The following ABLIM3 variants were observed in gnomAD, a reference collection of about 807,000 sequenced individuals.
ABLIM3 encodes actin-binding LIM protein 3.
ABLIM3 carries 61 observed loss-of-function variants against 109.5 expected under a neutral mutation model. That is an observed-to-expected ratio of 0.56 (90% CI 0.45 to 0.69). The LOEUF is 0.69. ABLIM3 is among the 30% of genes least tolerant of loss of function. The pLI is 0.00. For missense variants in ABLIM3, 796 were observed against 889.5 expected (o/e 0.89, Z 1.34); for synonymous variants, 300 against 324.8 (o/e 0.92, Z 0.82).
chr5:149,225,561 T>A (rs1051177694), intron 8 of ABLIM3, among the ~76,000 whole-genome samples: 3 of 152,228 alleles, frequency 2.0e-5, no homozygotes, highest in South Asian at 2.1e-4. Flanking sequence ...GAAGATTTTT[T>A]AAAAAAATTT....
chr5:149,199,221 C>T lies in ABLIM3; in HGVS notation c.335+819C>T, dbSNP rs1758273876. ...CACAAATACATTAAATGTTAATGGA[C>T]AGCTCTGATTACATCATAAGTAAAG... On this transcript the variant is annotated intron_variant, in intron 4 of 23. Transcript: ENST00000309868. 4 of 436,512 alleles carry T rather than the reference C, an allele frequency of 9.2e-6. No homozygotes were observed. In the Admixed American group the frequency reaches 9.8e-5, roughly 11 times the overall value. 27.0% of individuals were successfully genotyped at this position (436,512 alleles called of 1,614,324 possible).
chr5:149,241,569 T>C (rs1479385516), intron 14 of ABLIM3, among the ~76,000 whole-genome samples: 1 of 152,132 alleles, frequency 6.6e-6, no homozygotes, highest in Admixed American at 6.5e-5. Flanking sequence ...GACCAACCTG[T>C]CCAACATGGT....
At chr5:149,165,507 G>A (rs966022475) in intron 2 of ABLIM3, among the ~76,000 whole-genome samples, 1 of 152,080 alleles carries the variant, frequency 6.6e-6, no homozygotes, top group Non-Finnish European at 1.5e-5. Flanking sequence ...AGAACTCTTA[G>A]AGTACAAGTA....
intron 2 of ABLIM3, among the ~76,000 whole-genome samples, chr5:149,146,284 A>G (rs1211341454): frequency 2.0e-5 from 3 of 152,206 alleles, no homozygotes; most frequent in Non-Finnish European, 4.4e-5. Flanking sequence ...CTCTGTTGAT[A>G]GTATCTTTTG....
At chr5:149,226,163 TCTG>T (rs1761253925) in intron 8 of ABLIM3, among the ~76,000 whole-genome samples, 1 of 150,744 alleles carries the variant, frequency 6.6e-6, no homozygotes, top group Non-Finnish European at 1.5e-5. Context: ...AAGGCAGAGG[TCTG>T]AGAAACCTCA....
At chr5:149,202,072 A>G (rs1482576376) in intron 5 of ABLIM3, among the ~76,000 whole-genome samples, 1 of 152,258 alleles carries the variant, frequency 6.6e-6, no homozygotes, top group Non-Finnish European at 1.5e-5. Context: ...GGTTTAATAT[A>G]GAAAGCACAC....
At position 149,252,928 on chromosome 5, in the gene ABLIM3, T is replaced by G; in HGVS notation, c.1938+91T>G. The G allele has an allele frequency of 4.1e-6, 4 of 981,142 alleles. No individual in the cohort carries two copies. In the South Asian group the frequency reaches 5.4e-5, roughly 13 times the overall value. 60.8% of individuals were successfully genotyped at this position (981,142 alleles called of 1,614,324 possible). On this transcript the variant is annotated intron_variant, in intron 23 of 23. Coordinates refer to ENST00000309868, the MANE Select transcript of ABLIM3 (RefSeq NM_014945.5). Reference sequence around the variant, plus strand: ...TCCAGCTCAAGAGGGCTGGGTGGAATGAGTGGCTTTAAGATCACACAGCTT... The same window carrying G: ...TCCAGCTCAAGAGGGCTGGGTGGAAGGAGTGGCTTTAAGATCACACAGCTT...
intron 5 of ABLIM3, 187 bp downstream of exon 5, chr5:149,200,615 G>T (rs1049197372): frequency 3.3e-6 from 2 of 610,996 alleles, no homozygotes; most frequent in Non-Finnish European, 5.8e-6. Context: ...GCACAATGCA[G>T]GGAAGAGGGG....
At chr5:149,152,020 C>G (rs1753481095) in intron 2 of ABLIM3, among the ~76,000 whole-genome samples, 1 of 152,138 alleles carries the variant, frequency 6.6e-6, no homozygotes, top group South Asian at 2.1e-4. Context: ...TTGCCCTACA[C>G]CAGGTTTTTA....
chr5:149,181,757 T>C (rs1024486338), intron 2 of ABLIM3, among the ~76,000 whole-genome samples: 1 of 152,224 alleles, frequency 6.6e-6, no homozygotes, highest in African/African-American at 2.4e-5. Context: ...CAAGATAATG[T>C]ATGTAACACT....
intron 2 of ABLIM3, among the ~76,000 whole-genome samples, chr5:149,162,083 T>C (rs1754427676): frequency 6.6e-6 from 1 of 152,228 alleles, no homozygotes; most frequent in African/African-American, 2.4e-5. Flanking sequence ...GATGATCAAA[T>C]GAGGCAATGA....
At position 149,245,008 on chromosome 5, in the gene ABLIM3, C is replaced by A. The variant is rs34882633; in HGVS notation, c.1479C>A (p.Ser493=). The part of the protein sequence containing the change: ...SESEYWTYHG[S]PKVPRARRFS... ...CTGAGTACTGGACCTACCATGGGTC[C>A]CCCAAAGGTAGTACCCCCATAGGAG... Residue 493 remains serine (S), a synonymous_variant, in exon 16 of 24, where the codon TCC becomes TCA. Coordinates refer to ENST00000309868, the MANE Select transcript of ABLIM3 (RefSeq NM_014945.5). 4,983 of 1,614,128 alleles carry A rather than the reference C, an allele frequency of 3.1e-3. 137 individuals are homozygous for A. In the African/African-American group the frequency reaches 0.058, roughly 19 times the overall value.
chr5:149,178,270 G>A lies in ABLIM3; in HGVS notation c.14-5182G>A, dbSNP rs578154571. Among the ~76,000 whole-genome samples the A allele has an allele frequency of 1.7e-4, 26 of 152,294 alleles. 1 individual carries two copies. In the South Asian group the frequency reaches 4.6e-3, roughly 27 times the overall value. Reference sequence around the variant, plus strand: ...GGGTCTTCTTTGGTATTTAGCAGATGCCTGTGAACACTCTGAGTTTTGGGC... The same window carrying A: ...GGGTCTTCTTTGGTATTTAGCAGATACCTGTGAACACTCTGAGTTTTGGGC... On this transcript the variant is annotated intron_variant, in intron 2 of 23. Transcript: ENST00000309868.
At chr5:149,187,822 G>T (rs575025711) in intron 3 of ABLIM3, among the ~76,000 whole-genome samples, 1 of 151,984 alleles carries the variant, frequency 6.6e-6, no homozygotes, top group South Asian at 2.1e-4. Context: ...CACTCACCCC[G>T]TCATTCTCTT....
chr5:149,179,702 G>T (rs989448751), intron 2 of ABLIM3, among the ~76,000 whole-genome samples: 1 of 151,586 alleles, frequency 6.6e-6, no homozygotes, highest in African/African-American at 2.4e-5. Flanking sequence ...TGTTGTTGTT[G>T]TTGTTTTTAA....
chr5:149,192,037 A>C (rs1029826813), intron 3 of ABLIM3, among the ~76,000 whole-genome samples: 13 of 152,110 alleles, frequency 8.5e-5, no homozygotes, highest in Non-Finnish European at 2.9e-5. Context: ...GTCATAATTG[A>C]TAGATTATGT....
chr5:149,248,011 C>G, intron 18 of ABLIM3, 82 bp downstream of exon 18: 1 of 1,511,842 alleles, frequency 6.6e-7, no homozygotes, highest in Non-Finnish European at 8.9e-7. Flanking sequence ...TTGCTCTGAG[C>G]CAGGCTCCCT....
intron 17 of ABLIM3, 36 bp downstream of exon 17, chr5:149,246,582 G>C (rs1753385417): frequency 6.2e-7 from 1 of 1,607,736 alleles, no homozygotes; most frequent in South Asian, 1.1e-5. Flanking sequence ...ATGATGCTTA[G>C]AGCGTATATC....
intron 2 of ABLIM3, among the ~76,000 whole-genome samples, chr5:149,157,881 G>C (rs949981949): frequency 3.9e-5 from 6 of 152,046 alleles, no homozygotes; most frequent in African/African-American, 1.4e-4. Flanking sequence ...CTCTCTTTTT[G>C]CTTAAACTGG....
Sources: gnomAD v4.1 joint callset for allele counts (sites outside exome capture counted in the v4.1 genomes callset) on GRCh38, gnomAD v4.1.1 for gene constraint, MANE v1.5 for transcripts, NCBI Gene and HGNC (gene_info 2026-07-23, HGNC 2026-07-21) for gene names.